STXBP3: variants seen among roughly 807,000 people sequenced by gnomAD.
STXBP3 encodes syntaxin-binding protein 3.
In STXBP3, 41 loss-of-function variants were observed where a neutral mutation model predicts 85.7. The observed-to-expected ratio is 0.48, with a 90% CI of 0.37 to 0.62. The LOEUF (loss-of-function observed/expected upper bound fraction) is 0.62. STXBP3 is among the 20% of genes least tolerant of loss of function. The probability of loss-of-function intolerance (pLI) is 0.00; values close to 1 mark genes in which losing one functional copy is unlikely to be tolerated. For synonymous variants in STXBP3, 229 were observed against 231.7 expected (o/e 0.99, Z 0.10); for missense variants, 563 against 703.1 (o/e 0.80, Z 2.25).
At chr1:108,808,547 G>T (rs550162560) in intron 18 of STXBP3, among the ~76,000 whole-genome samples, 1 of 152,288 alleles carries the variant, frequency 6.6e-6, no homozygotes, top group African/African-American at 2.4e-5. Flanking sequence ...ATAGCACAAA[G>T]TAGACAAAGC....
intron 6 of STXBP3, among the ~76,000 whole-genome samples, chr1:108,771,151 G>T (rs1486599650): frequency 6.6e-6 from 1 of 151,454 alleles, no homozygotes; most frequent in Non-Finnish European, 1.5e-5. Context: ...GTAGTAAAAA[G>T]CAGATAGTAC....
chr1:108,761,494 G>A (rs901027049), intron 6 of STXBP3, among the ~76,000 whole-genome samples: 4 of 152,120 alleles, frequency 2.6e-5, no homozygotes, highest in African/African-American at 9.7e-5. Flanking sequence ...AATGATTTGT[G>A]TAGATATCTG....
At chr1:108,787,588 G>A (rs1210337675) in intron 11 of STXBP3, among the ~76,000 whole-genome samples, 1 of 151,964 alleles carries the variant, frequency 6.6e-6, no homozygotes, top group East Asian at 1.9e-4. Context: ...GGTTCTGGCT[G>A]ATACCTCCAG....
At chr1:108,775,656 G>A (rs1025878264) in intron 7 of STXBP3, among the ~76,000 whole-genome samples, 5 of 152,014 alleles carry the variant, frequency 3.3e-5, no homozygotes, top group African/African-American at 7.2e-5. Flanking sequence ...GAGAACATGC[G>A]AAATGTTCTT....
chr1:108,785,567 C>CT (rs972668429), intron 11 of STXBP3, among the ~76,000 whole-genome samples: 10 of 151,942 alleles, frequency 6.6e-5, no homozygotes, highest in African/African-American at 2.4e-4. Flanking sequence ...ACATTTTCCC[C>CT]GTTGTTTTGG....
chr1:108,797,079 A>G (rs958407172), intron 15 of STXBP3, among the ~76,000 whole-genome samples: 1 of 152,030 alleles, frequency 6.6e-6, no homozygotes, highest in Non-Finnish European at 1.5e-5. Context: ...CTCGCTGGGT[A>G]TGGTGGCTCA....
chr1:108,808,677 C>T, intron 18 of STXBP3, 106 bp from the exon 19 acceptor site: 1 of 846,718 alleles, frequency 1.2e-6, no homozygotes, highest in South Asian at 1.5e-5. Flanking sequence ...TGTTACATTA[C>T]CCCAGGCTAC....
At chr1:108,798,599 G>T (rs1417789800) in intron 16 of STXBP3, among the ~76,000 whole-genome samples, 1 of 150,994 alleles carries the variant, frequency 6.6e-6, no homozygotes, top group Non-Finnish European at 1.5e-5. Context: ...TATTTTTAGT[G>T]GAGACAGGGT....
chr1:108,784,191 TA>T, intron 11 of STXBP3, among the ~76,000 whole-genome samples: 1 of 152,244 alleles, frequency 6.6e-6, no homozygotes, highest in East Asian at 1.9e-4. Context: ...TTTTCTTCAG[TA>T]AGGCTGATCA....
intron 5 of STXBP3, among the ~76,000 whole-genome samples, chr1:108,759,414 G>A (rs986866374): frequency 1.3e-5 from 2 of 152,090 alleles, no homozygotes; most frequent in African/African-American, 4.8e-5. Context: ...AGAATATCAT[G>A]TTAAAAGATA....
At chr1:108,768,208 G>C (rs1662310163) in intron 6 of STXBP3, among the ~76,000 whole-genome samples, 1 of 152,140 alleles carries the variant, frequency 6.6e-6, no homozygotes, top group Non-Finnish European at 1.5e-5. Context: ...ATACATATCT[G>C]TGTTGTATAA....
chr1:108,807,112 CAT>C (rs1278430030), intron 17 of STXBP3, among the ~76,000 whole-genome samples: 23 of 152,132 alleles, frequency 1.5e-4, no homozygotes, highest in African/African-American at 4.3e-4. Context: ...ATTAGCTGGG[CAT>C]GGTGGCACAT....
intron 11 of STXBP3, among the ~76,000 whole-genome samples, chr1:108,789,168 G>T (rs911111555): frequency 6.6e-6 from 1 of 152,174 alleles, no homozygotes. Context: ...TTAATTAGCT[G>T]ATTTTTACTC....
At chr1:108,783,567 T>C (rs1261938795) in intron 11 of STXBP3, among the ~76,000 whole-genome samples, 1 of 152,230 alleles carries the variant, frequency 6.6e-6, no homozygotes, top group Non-Finnish European at 1.5e-5. Flanking sequence ...TGTCTCCTTT[T>C]GATGGACATT....
chr1:108,776,507 C>A, intron 8 of STXBP3, 84 bp downstream of exon 8: 1 of 1,004,860 alleles, frequency 1.0e-6, no homozygotes. Context: ...CATTCATTTT[C>A]TAGTATTGAT....
rs1440410187 is a variant in STXBP3 at position 108,753,305 on chromosome 1, GT to G, written c.181+168del. Reference sequence around the variant, plus strand: ...ATTCTTTTCTCTGAATCTTCTGTCAGTTTTTTTCCCTCAGCCGAGACATATA... The same window carrying G: ...ATTCTTTTCTCTGAATCTTCTGTCAGTTTTTTCCCTCAGCCGAGACATATA... On this transcript the variant is annotated intron_variant, in intron 3 of 18. Transcript: ENST00000370008. The G allele has an allele frequency of 9.3e-6, 4 of 432,166 alleles. No homozygotes were observed. The Admixed American group carries it at 1.4e-4, about 15-fold the overall frequency. 26.8% of individuals were successfully genotyped at this position (432,166 alleles called of 1,614,324 possible).
chr1:108,782,314 C>T (rs1662732234), intron 9 of STXBP3, 108 bp from the exon 10 acceptor site: 1 of 831,162 alleles, frequency 1.2e-6, no homozygotes, highest in Non-Finnish European at 1.9e-6. Context: ...GTGGATTTTA[C>T]TTTTCAGTTT....
At chr1:108,794,172 G>C (rs1149160) in intron 12 of STXBP3, among the ~76,000 whole-genome samples, 43,732 of 151,928 alleles carry the variant, frequency 0.29, 7,264 homozygotes, top group East Asian at 0.77. Context: ...AGAACTTCTG[G>C]GTATTTTTCT....
At chr1:108,789,687 C>T (rs898681611) in intron 11 of STXBP3, among the ~76,000 whole-genome samples, 4 of 152,118 alleles carry the variant, frequency 2.6e-5, no homozygotes, top group Non-Finnish European at 2.9e-5. Context: ...TTCTAGTTAT[C>T]TTTCTGTTAC....
Sources: gnomAD v4.1 joint callset for allele counts (sites outside exome capture counted in the v4.1 genomes callset) on GRCh38, gnomAD v4.1.1 for gene constraint, MANE v1.5 for transcripts, NCBI Gene and HGNC (gene_info 2026-07-23, HGNC 2026-07-21) for gene names.